SHROOM3: variants seen among roughly 807,000 people sequenced by gnomAD.
SHROOM3 encodes the protein shroom family member 3, also known as protein Shroom3.
A neutral mutation model predicts 138.6 loss-of-function variants in SHROOM3; 47 were observed. The observed-to-expected ratio is 0.34, with a 90% CI of 0.27 to 0.43. The LOEUF (loss-of-function observed/expected upper bound fraction) is 0.43, where lower values mean the gene tolerates loss of function less well. SHROOM3 is among the 20% of genes least tolerant of loss of function. SHROOM3 has a pLI of 1.00. For synonymous variants in SHROOM3, 1,062 were observed against 1,063.3 expected (o/e 1.00, Z 0.02); for missense variants, 2,491 against 2,596.5 (o/e 0.96, Z 0.88).
At chr4:76,675,617 G>A (rs2110100343) in intron 2 of SHROOM3, among the ~76,000 whole-genome samples, 1 of 152,330 alleles carries the variant, frequency 6.6e-6, no homozygotes, top group South Asian at 2.1e-4. Context: ...CAGCACTCTG[G>A]AAGGCCAAGA....
chr4:76,755,544 T>G (rs2110144469), intron 7 of SHROOM3, among the ~76,000 whole-genome samples: 1 of 152,300 alleles, frequency 6.6e-6, no homozygotes, highest in Admixed American at 6.5e-5. Context: ...AACATCACTT[T>G]TATTACTGAC....
At chr4:76,551,938 T>TG (rs1315049753) in intron 1 of SHROOM3, among the ~76,000 whole-genome samples, 1 of 151,070 alleles carries the variant, frequency 6.6e-6, no homozygotes, top group East Asian at 2.0e-4. Flanking sequence ...CTCGGCTCAC[T>TG]GCAAGCTCTG....
intron 2 of SHROOM3, among the ~76,000 whole-genome samples, chr4:76,592,902 A>G (rs1301728436): frequency 6.6e-6 from 1 of 152,234 alleles, no homozygotes; most frequent in Non-Finnish European, 1.5e-5. Context: ...CCCACAGTCC[A>G]GAAGCAAGAT....
intron 7 of SHROOM3, 26 bp from the exon 8 acceptor site, chr4:76,756,417 CTTTTTT>C: frequency 7.9e-7 from 1 of 1,267,556 alleles, no homozygotes; most frequent in Non-Finnish European, 1.1e-6. Flanking sequence ...CTCTCTCTCT[CTTTTTT>C]TTTTTTTTTT....
intron 1 of SHROOM3, among the ~76,000 whole-genome samples, chr4:76,508,781 A>G (rs1732268671): frequency 6.6e-6 from 1 of 152,198 alleles, no homozygotes; most frequent in African/African-American, 2.4e-5. Context: ...TTGCTGCCAT[A>G]ACAAAATACC....
In SHROOM3 at chr4:76,740,241, G is replaced by A. The variant is rs762733380; in HGVS notation, c.2068G>A (p.Gly690Arg). The A allele has an allele frequency of 1.9e-6, 3 of 1,613,284 alleles. No individual in the cohort carries two copies. The highest frequency in any genetic ancestry group is 2.5e-6 in the Non-Finnish European group (3 of 1,180,040). ...LGRGTQEGYPGGRPTCAVNTK... is the reference protein window; with the variant it reads ...LGRGTQEGYPRGRPTCAVNTK... ...CCGGGGAACCCAGGAGGGTTACCCC[G>A]GGGGCAGGCCCACCTGTGCAGTCAA... is the stretch of plus-strand genomic sequence containing the variant. Residue 690 changes from glycine (G) to arginine (R), a missense_variant, in exon 5 of 11, where the codon GGG becomes AGG. Transcript: ENST00000296043. This position sits in a 1 kb window ranked among gnomAD's most constrained non-coding sequence, Gnocchi z 4.0.
Position 76,759,631 on chromosome 4 carries a change from A to G in SHROOM3, c.5285A>G (p.Lys1762Arg). The G allele has an allele frequency of 6.2e-7, 1 of 1,614,164 alleles. No individual in the cohort carries two copies. The highest frequency in any genetic ancestry group is 8.5e-7 in the Non-Finnish European group (1 of 1,180,028). The change falls in exon 9 of 11, where the codon AAA becomes AGA. Residue 1762 changes from lysine to arginine, a missense_variant. Lys to Arg is a conservative substitution (Grantham distance 26, BLOSUM62 2). Transcript: ENST00000296043. ...GCTCCCAAGGCTGAGCTACTGAACA[A>G]AATCAAAGAGATGCCAGCAGAAGTG... The part of the protein sequence containing the change: ...VSAPKAELLN[K>R]IKEMPAEVNE...
intron 1 of SHROOM3, among the ~76,000 whole-genome samples, chr4:76,532,040 A>C (rs948717388): frequency 6.8e-6 from 1 of 147,914 alleles, no homozygotes; most frequent in African/African-American, 2.5e-5. Flanking sequence ...TATATCTCCT[A>C]ATGCTATCCC....
intron 10 of SHROOM3, among the ~76,000 whole-genome samples, chr4:76,774,620 A>G (rs191142247): frequency 3.0e-4 from 46 of 151,976 alleles, no homozygotes; most frequent in Admixed American, 2.8e-3. Flanking sequence ...AAGGTAGGTG[A>G]TGAAAAAATT....
intron 10 of SHROOM3, among the ~76,000 whole-genome samples, chr4:76,776,170 G>A (rs1722562526): frequency 6.6e-6 from 1 of 152,146 alleles, no homozygotes; most frequent in Non-Finnish European, 1.5e-5. Flanking sequence ...TCTTGCAGGA[G>A]TAAGGTGGTA....
intron 8 of SHROOM3, among the ~76,000 whole-genome samples, chr4:76,759,126 T>C (rs1721909664): frequency 6.6e-6 from 1 of 152,202 alleles, no homozygotes; most frequent in African/African-American, 2.4e-5. Context: ...CAAAGGAGTA[T>C]AGGAAATAAT....
At chr4:76,521,671 G>T (rs1156738582) in intron 1 of SHROOM3, among the ~76,000 whole-genome samples, 1 of 152,136 alleles carries the variant, frequency 6.6e-6, no homozygotes, top group Non-Finnish European at 1.5e-5. Context: ...ATTAATAAAA[G>T]GTGACGTAGG....
At chr4:76,610,734 G>C (rs1734743228) in intron 2 of SHROOM3, among the ~76,000 whole-genome samples, 1 of 152,172 alleles carries the variant, frequency 6.6e-6, no homozygotes, top group Admixed American at 6.5e-5. Flanking sequence ...CATCCGTGTA[G>C]AGGGATCCTG....
intron 1 of SHROOM3, among the ~76,000 whole-genome samples, chr4:76,548,112 T>C (rs888044839): frequency 2.0e-5 from 3 of 151,560 alleles, no homozygotes; most frequent in African/African-American, 7.3e-5. Flanking sequence ...AAAAGTCAAA[T>C]GGTTCCCTGG....
At chr4:76,710,932 C>T (rs1382154445) in intron 3 of SHROOM3, among the ~76,000 whole-genome samples, 1 of 152,166 alleles carries the variant, frequency 6.6e-6, no homozygotes, top group Non-Finnish European at 1.5e-5. Context: ...TCAGCCTCTA[C>T]ACCAATGCCT....
chr4:76,517,719 C>A (rs953229515), intron 1 of SHROOM3, among the ~76,000 whole-genome samples: 3 of 151,878 alleles, frequency 2.0e-5, no homozygotes, highest in Non-Finnish European at 4.4e-5. Flanking sequence ...TCTGCTAATT[C>A]TCAGACCAAT....
chr4:76,540,886 A>G (rs1733083597), intron 1 of SHROOM3, among the ~76,000 whole-genome samples: 1 of 152,224 alleles, frequency 6.6e-6, no homozygotes, highest in Non-Finnish European at 1.5e-5. Flanking sequence ...ATTATTAGCT[A>G]AAATGAGATA....
At chr4:76,769,868 C>T (rs1722291283) in intron 9 of SHROOM3, among the ~76,000 whole-genome samples, 1 of 152,192 alleles carries the variant, frequency 6.6e-6, no homozygotes, top group South Asian at 2.1e-4. Flanking sequence ...ATGGTAGCTA[C>T]AATTAATATT....
At chr4:76,682,087 G>A (rs1719216106) in intron 2 of SHROOM3, among the ~76,000 whole-genome samples, 1 of 152,142 alleles carries the variant, frequency 6.6e-6, no homozygotes, top group South Asian at 2.1e-4. Context: ...TGTCTGCTGG[G>A]AAGAAAAACT....
Sources: gnomAD v4.1 joint callset for allele counts (sites outside exome capture counted in the v4.1 genomes callset) on GRCh38, gnomAD v4.1.1 for gene constraint, Gnocchi (gnomAD v3.1) non-coding constraint, MANE v1.5 for transcripts, NCBI Gene and HGNC (gene_info 2026-07-23, HGNC 2026-07-21) for gene names.